The following GABRG3 variants were observed in gnomAD, a reference collection of about 807,000 sequenced individuals.
GABRG3 encodes the protein gamma-aminobutyric acid type A receptor subunit gamma3, also known as gamma-aminobutyric acid receptor subunit gamma-3.
Under a neutral mutation model 48.8 loss-of-function variants are expected in GABRG3, and 25 were observed. The ratio of observed to expected loss-of-function variants is 0.51; its 90% CI spans 0.37 to 0.72. The LOEUF (loss-of-function observed/expected upper bound fraction) is 0.72, where lower values mean the gene tolerates loss of function less well. Ranked by LOEUF, GABRG3 falls within the 30% of genes least tolerant of loss-of-function variation. The probability of loss-of-function intolerance (pLI) is 0.00; values close to 1 mark genes in which losing one functional copy is unlikely to be tolerated. For synonymous variants in GABRG3, 227 were observed against 217.6 expected (o/e 1.04, Z -0.38); for missense variants, 394 against 577.9 (o/e 0.68, Z 3.26).
chr15:27,073,055 C>T (rs2140736184), intron 3 of GABRG3, among the ~76,000 whole-genome samples: 1 of 152,306 alleles, frequency 6.6e-6, no homozygotes, highest in Middle Eastern at 3.4e-3. Context: ...GCCCAGGGTC[C>T]CGGATACCTG....
At chr15:27,025,688 A>G (rs780159833) in intron 2 of GABRG3, among the ~76,000 whole-genome samples, 2 of 152,178 alleles carry the variant, frequency 1.3e-5, no homozygotes, top group African/African-American at 4.8e-5. Context: ...GCTGCCATTC[A>G]TTGTTTCAAA....
intron 5 of GABRG3, among the ~76,000 whole-genome samples, chr15:27,357,313 T>C (rs890053530): frequency 1.8e-4 from 28 of 152,112 alleles, no homozygotes; most frequent in African/African-American, 6.8e-4. Context: ...GCCATGAAAT[T>C]CAAGTGGGTA....
chr15:27,255,213 G>A (rs1017869711), intron 3 of GABRG3, among the ~76,000 whole-genome samples: 53 of 152,264 alleles, frequency 3.5e-4, no homozygotes, highest in African/African-American at 7.5e-4. Flanking sequence ...CTGGGGTGGC[G>A]GGAGCAGGAG....
intron 2 of GABRG3, among the ~76,000 whole-genome samples, chr15:27,004,625 G>A (rs1311171036): frequency 2.0e-5 from 3 of 152,152 alleles, no homozygotes; most frequent in East Asian, 1.9e-4. Context: ...GTAGCCAGCC[G>A]AGATCACGCC....
chr15:27,431,533 G>T (rs555744324), intron 5 of GABRG3, among the ~76,000 whole-genome samples: 3 of 151,936 alleles, frequency 2.0e-5, no homozygotes, highest in Admixed American at 6.6e-5. Context: ...ATGCTTAATT[G>T]TCTTGTATTA....
At chr15:27,146,490 A>G (rs1260575207) in intron 3 of GABRG3, among the ~76,000 whole-genome samples, 1 of 152,102 alleles carries the variant, frequency 6.6e-6, no homozygotes, top group Non-Finnish European at 1.5e-5. Context: ...AAACTAGTAA[A>G]GATAGCTAAA....
At chr15:27,294,891 G>A (rs1175811721) in intron 3 of GABRG3, 1 of 152,200 alleles carries the variant, frequency 6.6e-6, no homozygotes, top group Non-Finnish European at 1.5e-5. Context: ...AAGAAAAGGT[G>A]CAACAGAATT....
intron 3 of GABRG3, among the ~76,000 whole-genome samples, chr15:27,186,195 C>T (rs1485987917): frequency 2.6e-5 from 4 of 151,930 alleles, no homozygotes; most frequent in Non-Finnish European, 5.9e-5. Flanking sequence ...CTCGAGTAGT[C>T]CCCAGGGTCT....
intron 3 of GABRG3, among the ~76,000 whole-genome samples, chr15:27,165,394 T>C (rs965095249): frequency 4.6e-5 from 7 of 152,212 alleles, no homozygotes; most frequent in African/African-American, 1.4e-4. Context: ...TCTTTGACAA[T>C]TGAAATGCTG....
intron 3 of GABRG3, among the ~76,000 whole-genome samples, chr15:27,316,064 TA>T (rs1893203289): frequency 6.6e-6 from 1 of 152,160 alleles, no homozygotes; most frequent in South Asian, 2.1e-4. Context: ...GCTTTATAAT[TA>T]AATGCTATTT....
chr15:27,007,499 T>G (rs765716563), intron 2 of GABRG3, among the ~76,000 whole-genome samples: 50 of 152,366 alleles, frequency 3.3e-4, no homozygotes, highest in East Asian at 3.9e-4. Flanking sequence ...CATACTACTT[T>G]CCACAGTGGC....
intron 3 of GABRG3, among the ~76,000 whole-genome samples, chr15:27,252,475 C>A (rs1890490198): frequency 6.6e-6 from 1 of 152,200 alleles, no homozygotes; most frequent in Non-Finnish European, 1.5e-5. Context: ...ATAGAGGAGA[C>A]CAGATTGTCC....
At chr15:27,086,194 G>T (rs983102164) in intron 3 of GABRG3, among the ~76,000 whole-genome samples, 20 of 150,920 alleles carry the variant, frequency 1.3e-4, no homozygotes, top group African/African-American at 4.9e-4. Flanking sequence ...TTGTGGATCC[G>T]ACATGCCAGG....
intron 3 of GABRG3, among the ~76,000 whole-genome samples, chr15:27,091,407 A>T (rs58990961): frequency 0.01 from 1,532 of 152,234 alleles, 28 homozygotes; most frequent in African/African-American, 0.035. Flanking sequence ...TTGCATATAT[A>T]TTCATAGGGG....
intron 3 of GABRG3, among the ~76,000 whole-genome samples, chr15:27,130,843 A>T (rs186120239): frequency 3.9e-4 from 59 of 152,128 alleles, no homozygotes; most frequent in African/African-American, 1.2e-3. Context: ...AATATAACTG[A>T]TTTGGGGTGT....
intron 3 of GABRG3, among the ~76,000 whole-genome samples, chr15:27,246,458 G>A (rs1032551393): frequency 6.6e-6 from 1 of 152,122 alleles, no homozygotes; most frequent in African/African-American, 2.4e-5. Context: ...GATAGGTCTA[G>A]TATAAGGTGG....
intron 3 of GABRG3, among the ~76,000 whole-genome samples, chr15:27,207,898 A>G (rs903751142): frequency 6.6e-6 from 1 of 152,162 alleles, no homozygotes; most frequent in Non-Finnish European, 1.5e-5. Flanking sequence ...TAAGTTACAG[A>G]AACAGGACAA....
At chr15:27,388,393 G>GAAGGAAGGAAAGGAGA (rs1566818843) in intron 5 of GABRG3, among the ~76,000 whole-genome samples, 1 of 86,784 alleles carries the variant, frequency 1.2e-5, no homozygotes, top group Admixed American at 1.2e-4. Context: ...AGGAAAGGAG[G>GAAGGAAGGAAAGGAGA]GAGGGAGGGG....
chr15:27,104,518 C>T (rs1897417452), intron 3 of GABRG3, among the ~76,000 whole-genome samples: 1 of 152,210 alleles, frequency 6.6e-6, no homozygotes, highest in Admixed American at 6.5e-5. Context: ...CTCACTCACT[C>T]CCAAGGAAAC....
Sources: allele counts gnomAD v4.1 joint callset (sites outside exome capture counted in the v4.1 genomes callset), GRCh38; gene constraint gnomAD v4.1.1; transcripts MANE v1.5; gene names NCBI Gene and HGNC (gene_info 2026-07-23, HGNC 2026-07-21).